MROH7: variants seen among roughly 807,000 people sequenced by gnomAD.
The protein encoded by MROH7 is maestro heat like repeat family member 7, also known as maestro heat-like repeat-containing protein family member 7.
MROH7 carries 113 observed loss-of-function variants against 129.2 expected under a neutral mutation model. That is an observed-to-expected ratio of 0.87 (90% confidence interval 0.75 to 1.02). The LOEUF is 1.02. Among genes scored for constraint, MROH7 ranks in the 50% least tolerant of loss-of-function variants. The pLI is 0.00. For synonymous variants in MROH7, 655 were observed against 667.9 expected, an observed-to-expected ratio of 0.98 and a Z score of 0.30; for missense variants, 1,601 against 1,671.3, an observed-to-expected ratio of 0.96 and a Z score of 0.73.
At chr1:54,685,035 T>G (rs1645126574) in intron 14 of MROH7, among the ~76,000 whole-genome samples, 1 of 151,510 alleles carries the variant, frequency 6.6e-6, no homozygotes, top group South Asian at 2.1e-4. Flanking sequence ...TTTTTGAGAC[T>G]GAGTCTTGCT....
At position 54,701,181 on chromosome 1, in the gene MROH7, G is replaced by A. The variant is rs773300620; in HGVS notation, c.3144G>A (p.Lys1048=). 6.2e-7 allele frequency: 1 copy of A among 1,614,162 alleles called. No homozygotes were observed. The highest frequency in any genetic ancestry group is 8.5e-7 in the Non-Finnish European group (1 of 1,180,024). Residue 1048 remains lysine, a synonymous_variant, in exon 19 of 24, where the codon AAG becomes AAA. Coordinates refer to ENST00000421030, the MANE Select transcript of MROH7 (RefSeq NM_001039464.4). ...AGGCCCTCCTGCCCTCCATGGTGAA[G>A]GGCCTGAAGAACATGGATGGGATGC... The part of the protein sequence containing the change: ...KVKALLPSMV[K]GLKNMDGMLV...
chr1:54,675,390 C>G (rs1405236958), intron 10 of MROH7, among the ~76,000 whole-genome samples: 1 of 152,140 alleles, frequency 6.6e-6, no homozygotes. Flanking sequence ...TTTTCCTATC[C>G]CTTCAAGCTT....
intron 13 of MROH7, among the ~76,000 whole-genome samples, chr1:54,681,063 G>A (rs1052021038): frequency 3.3e-5 from 5 of 152,152 alleles, no homozygotes; most frequent in African/African-American, 1.2e-4. Flanking sequence ...CCTCCTTGCG[G>A]GGGTCCTTGC....
chr1:54,710,052 C>G lies in MROH7; in HGVS notation c.3837C>G (p.His1279Gln), dbSNP rs144863077. The change falls in exon 24 of 24, where the codon CAC becomes CAG. Residue 1279 changes from histidine (H) to glutamine (Q), a missense_variant. Transcript: ENST00000421030. Reference sequence around the variant, plus strand: ...GCTGGCAGAACTCCTGGCTGCCGCACGGGAACTCATGGGTGTGTTACTCAG... The same window carrying G: ...GCTGGCAGAACTCCTGGCTGCCGCAGGGGAACTCATGGGTGTGTTACTCAG... ...ASCWQNSWLP[H>Q]GNSWVCYSAT... 6.2e-7 allele frequency: 1 copy of G among 1,614,124 alleles called. No homozygotes were observed.
intron 1 of MROH7, among the ~76,000 whole-genome samples, chr1:54,646,691 C>G (rs1347263333): frequency 6.6e-6 from 1 of 152,148 alleles, no homozygotes; most frequent in African/African-American, 2.4e-5. Context: ...CCATTAGTGA[C>G]AATTACTGTG....
At chr1:54,697,798 C>T in intron 17 of MROH7, 2 of 623,632 alleles carry the variant, frequency 3.2e-6, no homozygotes, top group South Asian at 1.9e-5. Context: ...CTTGGAGAGG[C>T]ACTTCTAAGT....
intron 15 of MROH7, among the ~76,000 whole-genome samples, chr1:54,690,080 C>A (rs1645209938): frequency 6.6e-6 from 1 of 152,184 alleles, no homozygotes; most frequent in African/African-American, 2.4e-5. Flanking sequence ...TTCAAGGTGT[C>A]CCTTGCTCTA....
intron 15 of MROH7, among the ~76,000 whole-genome samples, chr1:54,690,138 T>A (rs979442229): frequency 6.6e-6 from 1 of 152,166 alleles, no homozygotes; most frequent in Non-Finnish European, 1.5e-5. Context: ...AGAGTGAGTG[T>A]TTGGGGACAC....
chr1:54,658,246 C>T (rs1348889350), intron 3 of MROH7, among the ~76,000 whole-genome samples: 1 of 152,146 alleles, frequency 6.6e-6, no homozygotes, highest in Non-Finnish European at 1.5e-5. Flanking sequence ...TGTCCTTTCC[C>T]CAGTGAATGT....
chr1:54,687,178 A>C (rs1162015706), intron 15 of MROH7, among the ~76,000 whole-genome samples: 1 of 152,072 alleles, frequency 6.6e-6, no homozygotes, highest in Non-Finnish European at 1.5e-5. Flanking sequence ...GGTTCAAACA[A>C]TTCTCCTACC....
chr1:54,704,011 G>C (rs1047064576), intron 21 of MROH7, among the ~76,000 whole-genome samples: 2 of 152,174 alleles, frequency 1.3e-5, no homozygotes, highest in African/African-American at 4.8e-5. Context: ...AATGCCCAGA[G>C]TTGGGGGAAT....
intron 3 of MROH7, among the ~76,000 whole-genome samples, chr1:54,658,200 A>C (rs575501946): frequency 2.6e-5 from 4 of 152,254 alleles, no homozygotes; most frequent in African/African-American, 9.6e-5. Flanking sequence ...TTGCATGTGG[A>C]TATCCAGTTT....
chr1:54,665,491 G>T, intron 4 of MROH7: 1 of 414,558 alleles, frequency 2.4e-6, no homozygotes, highest in Non-Finnish European at 4.4e-6. Context: ...TATAACTTCA[G>T]CACCTAGAAC....
intron 3 of MROH7, among the ~76,000 whole-genome samples, chr1:54,662,304 GGC>G (rs929803350): frequency 4.6e-5 from 7 of 152,094 alleles, no homozygotes; most frequent in Non-Finnish European, 8.8e-5. Flanking sequence ...TGGAGGCCGA[GGC>G]GGGCAGATCA....
intron 4 of MROH7, among the ~76,000 whole-genome samples, chr1:54,666,481 C>T (rs1644817654): frequency 7.7e-6 from 1 of 129,282 alleles, no homozygotes; most frequent in Non-Finnish European, 1.5e-5. Context: ...GTCACTCGGG[C>T]TGGAGTGCGG....
At position 54,701,220 on chromosome 1, in the gene MROH7, G is replaced by A. The variant is rs1428868741; in HGVS notation, c.3183G>A (p.Ala1061=). The change falls in exon 19 of 24, where the codon GCG becomes GCA. Residue 1061 remains alanine (A), a synonymous_variant. Coordinates refer to ENST00000421030, the MANE Select transcript of MROH7 (RefSeq NM_001039464.4). ...TGGATGGGATGCTGGTGGTGGAAGC[G>A]GTCCACAACCTCAAGGCTGTCTTCA... ...KNMDGMLVVE[A]VHNLKAVFKG... is the part of the protein sequence containing the mutation. 3.7e-6 allele frequency: 6 copies of A among 1,614,176 alleles called. No homozygotes were observed. In the African/African-American group the frequency reaches 4.0e-5, roughly 11 times the overall value.
At chr1:54,700,563 A>AT in intron 18 of MROH7, 102 bp downstream of exon 18, 1 of 1,171,922 alleles carries the variant, frequency 8.5e-7, no homozygotes, top group Non-Finnish European at 1.2e-6. Flanking sequence ...AGCTGGAATG[A>AT]GACATCATTT....
rs74071887 is a variant in MROH7, at chr1:54,679,313, C to T, written c.2100C>T (p.Ala700=). The part of the protein sequence containing the change: ...GPQQIKDLLL[A]ALEGLKGSSE... ...AGCAGATAAAGGACCTGCTGCTGGC[C>T]GCCCTGGAAGGGCTGAAAGGCAGCT... Residue 700 remains alanine, a synonymous_variant, in exon 12 of 24, where the codon GCC becomes GCT. Coordinates refer to ENST00000421030, the MANE Select transcript of MROH7 (RefSeq NM_001039464.4). 5.9e-4 allele frequency: 956 copies of T among 1,614,166 alleles called. 5 individuals are homozygous for T. The African/African-American group carries it at 0.011, about 18-fold the overall frequency.
chr1:54,695,911 C>T (rs1042784362), intron 17 of MROH7: 49 of 301,862 alleles, frequency 1.6e-4, no homozygotes, highest in Middle Eastern at 1.2e-3. Flanking sequence ...AAACAAGTGA[C>T]TTGAGGGAGG....
Sources: allele counts gnomAD v4.1 joint callset (sites outside exome capture counted in the v4.1 genomes callset), GRCh38; gene constraint gnomAD v4.1.1; transcripts MANE v1.5; gene names NCBI Gene and HGNC (gene_info 2026-07-23, HGNC 2026-07-21).